NKAIN2: variants seen among roughly 807,000 people sequenced by gnomAD.
NKAIN2 encodes sodium/potassium transporting ATPase interacting 2.
NKAIN2 carries 14 observed loss-of-function variants against 32.6 expected under a neutral mutation model. The observed-to-expected ratio is 0.43, with a 90% confidence interval of 0.28 to 0.67. The LOEUF is 0.67. NKAIN2 is among the 30% of genes least tolerant of loss of function. The pLI is 0.17. For synonymous variants in NKAIN2, 80 were observed against 87.2 expected (o/e 0.92, Z 0.46); for missense variants, 198 against 258.3 (o/e 0.77, Z 1.60).
At chr6:124,131,254 C>T (rs1234505392) in intron 1 of NKAIN2, among the ~76,000 whole-genome samples, 2 of 152,124 alleles carry the variant, frequency 1.3e-5, no homozygotes, top group Non-Finnish European at 2.9e-5. Flanking sequence ...AAGTGATCCT[C>T]CTGCCTCAGC....
intron 1 of NKAIN2, among the ~76,000 whole-genome samples, chr6:123,820,823 T>C (rs1285789318): frequency 1.3e-5 from 2 of 152,230 alleles, no homozygotes; most frequent in Non-Finnish European, 2.9e-5. Context: ...TTAAAGCCTA[T>C]AGGAAAATGC....
chr6:124,463,153 A>AGT (rs1347842317), intron 3 of NKAIN2, among the ~76,000 whole-genome samples: 3 of 151,854 alleles, frequency 2.0e-5, no homozygotes, highest in African/African-American at 4.8e-5. Context: ...TAAAAAACTA[A>AGT]GTGTGTGTGT....
Position 124,605,941 on chromosome 6 carries a change from A to G in NKAIN2, c.274-52245A>G, listed in dbSNP as rs562054865. ...GAGCGCAAGGCCACCTGTGCCTCCAATGGTTTTGTTTCTGTGCAATGTTCT... is the reference window on the plus strand; with the variant it reads ...GAGCGCAAGGCCACCTGTGCCTCCAGTGGTTTTGTTTCTGTGCAATGTTCT... On this transcript the variant is annotated intron_variant, in intron 3 of 6. Transcript: ENST00000368417. 1.1e-4 allele frequency among the ~76,000 whole-genome samples: 16 copies of G among 151,980 alleles called. No homozygotes were observed. The East Asian group carries it at 1.2e-3, about 11-fold the overall frequency.
At chr6:124,139,079 A>ATTTTTTTTTTTTTTTTTTT (rs900247440) in intron 1 of NKAIN2, among the ~76,000 whole-genome samples, 1 of 99,470 alleles carries the variant, frequency 1.0e-5, no homozygotes, top group African/African-American at 4.2e-5. Flanking sequence ...TTAAATAAAA[A>ATTTTTTTTTTTTTTTTTTT]TTTTTTTTTT....
At chr6:124,445,348 T>A (rs999630267) in intron 3 of NKAIN2, among the ~76,000 whole-genome samples, 1 of 151,732 alleles carries the variant, frequency 6.6e-6, no homozygotes, top group African/African-American at 2.4e-5. Context: ...TGAAAAATAC[T>A]TTTTATTATT....
At chr6:124,719,215 A>T (rs1303326141) in intron 4 of NKAIN2, among the ~76,000 whole-genome samples, 2 of 152,282 alleles carry the variant, frequency 1.3e-5, no homozygotes, top group East Asian at 3.9e-4. Context: ...TAACCATTCT[A>T]TCCCAACCTA....
intron 5 of NKAIN2, among the ~76,000 whole-genome samples, chr6:124,792,474 TA>T (rs1779791426): frequency 6.6e-6 from 1 of 152,196 alleles, no homozygotes; most frequent in African/African-American, 2.4e-5. Context: ...TAAGCATTTG[TA>T]AAATATTCCT....
At chr6:123,899,980 T>C (rs544379226) in intron 1 of NKAIN2, among the ~76,000 whole-genome samples, 14 of 152,206 alleles carry the variant, frequency 9.2e-5, no homozygotes, top group African/African-American at 3.4e-4. Flanking sequence ...ACCATGATGC[T>C]CGACCTGCTT....
intron 1 of NKAIN2, among the ~76,000 whole-genome samples, chr6:124,052,262 G>A (rs1039176085): frequency 1.3e-5 from 2 of 152,002 alleles, no homozygotes; most frequent in African/African-American, 4.8e-5. Context: ...AGGAAGGATT[G>A]GAACCAAGCT....
chr6:124,201,848 A>G (rs1790608954), intron 1 of NKAIN2, among the ~76,000 whole-genome samples: 1 of 152,066 alleles, frequency 6.6e-6, no homozygotes, highest in Non-Finnish European at 1.5e-5. Flanking sequence ...GTATTGTTTT[A>G]TCCTTCATCA....
chr6:124,200,904 T>C (rs993394931), intron 1 of NKAIN2, among the ~76,000 whole-genome samples: 5 of 152,096 alleles, frequency 3.3e-5, no homozygotes, highest in Non-Finnish European at 5.9e-5. Context: ...AATTAACCAG[T>C]GTAGAACACA....
intron 3 of NKAIN2, among the ~76,000 whole-genome samples, chr6:124,361,267 A>T (rs1054187066): frequency 2.6e-5 from 4 of 152,060 alleles, no homozygotes; most frequent in African/African-American, 9.7e-5. Context: ...TGTCCGTAAA[A>T]ACCTATATTT....
intron 1 of NKAIN2, among the ~76,000 whole-genome samples, chr6:123,956,432 G>A (rs886768008): frequency 3.3e-5 from 5 of 152,210 alleles, no homozygotes; most frequent in East Asian, 3.9e-4. Flanking sequence ...AAACACCAGC[G>A]CACACTCTCT....
At chr6:124,629,341 C>T (rs1783474661) in intron 3 of NKAIN2, among the ~76,000 whole-genome samples, 1 of 152,118 alleles carries the variant, frequency 6.6e-6, no homozygotes, top group East Asian at 1.9e-4. Context: ...TAGGTACTTT[C>T]CTAGCCCAAT....
chr6:124,662,719 G>A (rs1019485224), intron 4 of NKAIN2, among the ~76,000 whole-genome samples: 4 of 152,208 alleles, frequency 2.6e-5, no homozygotes, highest in African/African-American at 9.6e-5. Flanking sequence ...TGGACTTGAG[G>A]TTGTGTTGGG....
At chr6:124,614,673 G>C (rs1782816325) in intron 3 of NKAIN2, among the ~76,000 whole-genome samples, 1 of 150,122 alleles carries the variant, frequency 6.7e-6, no homozygotes, top group African/African-American at 2.5e-5. Context: ...CTTTAATGAA[G>C]ATGTTGGTCC....
intron 1 of NKAIN2, among the ~76,000 whole-genome samples, chr6:123,918,788 C>G (rs1392224321): frequency 6.6e-6 from 1 of 152,070 alleles, no homozygotes; most frequent in Non-Finnish European, 1.5e-5. Flanking sequence ...GTGTAATTCA[C>G]TATATATCTC....
At chr6:123,929,197 T>C (rs1776141757) in intron 1 of NKAIN2, among the ~76,000 whole-genome samples, 1 of 152,196 alleles carries the variant, frequency 6.6e-6, no homozygotes, top group Non-Finnish European at 1.5e-5. Context: ...TTGAATTTTG[T>C]GTTTTATACT....
chr6:124,009,330 T>C (rs1780216759), intron 1 of NKAIN2, among the ~76,000 whole-genome samples: 1 of 152,194 alleles, frequency 6.6e-6, no homozygotes, highest in Non-Finnish European at 1.5e-5. Flanking sequence ...CAATTGATAT[T>C]GAGAACTTAT....
Sources: gnomAD v4.1 joint callset for allele counts (sites outside exome capture counted in the v4.1 genomes callset) on GRCh38, gnomAD v4.1.1 for gene constraint, MANE v1.5 for transcripts, NCBI Gene and HGNC (gene_info 2026-07-23, HGNC 2026-07-21) for gene names.